TTLL4: variants seen among roughly 807,000 people sequenced by gnomAD.
The protein encoded by TTLL4 is tubulin tyrosine ligase like 4.
A neutral mutation model predicts 122.7 loss-of-function variants in TTLL4; 85 were observed. That is an observed-to-expected ratio of 0.69 (90% CI 0.58 to 0.83). TTLL4 has a LOEUF of 0.83. TTLL4 is among the 40% of genes least tolerant of loss of function. The pLI is 0.00. For missense variants in TTLL4, 1,363 were observed against 1,488.6 expected (o/e 0.92, Z 1.39); for synonymous variants, 553 against 563.0 (o/e 0.98, Z 0.25).
intron 3 of TTLL4, among the ~76,000 whole-genome samples, chr2:218,739,422 T>TA (rs1370534612): frequency 3.3e-5 from 5 of 152,226 alleles, no homozygotes; most frequent in Admixed American, 6.5e-5. Context: ...GCTTTCTTGT[T>TA]ACGATGGTAG....
chr2:218,722,171 C>T (rs1412813560), intron 1 of TTLL4, among the ~76,000 whole-genome samples: 1 of 151,920 alleles, frequency 6.6e-6, no homozygotes, highest in African/African-American at 2.4e-5. Flanking sequence ...AGTTCCAGCT[C>T]CTTGGGAGGG....
Position 218,738,554 on chromosome 2 carries a change from A to G in TTLL4, c.878A>G (p.His293Arg). 6.2e-7 allele frequency: 1 copy of G among 1,614,120 alleles called. No homozygotes were observed. The highest frequency in any genetic ancestry group is 8.5e-7 in the Non-Finnish European group (1 of 1,179,994). Reference protein sequence around the residue: ...AHIALSTASSHDTSTTSVASS... With the variant: ...AHIALSTASSRDTSTTSVASS... ...ATCGCCTTGTCTACCGCTAGCTCCCACGACACATCCACCACCAGTGTTGCC... is the reference window on the plus strand; with the variant it reads ...ATCGCCTTGTCTACCGCTAGCTCCCGCGACACATCCACCACCAGTGTTGCC... Residue 293 changes from histidine to arginine, a missense_variant, in exon 3 of 20, where the codon CAC (histidine) becomes CGC (arginine). His to Arg is a conservative substitution (Grantham distance 29). Transcript: ENST00000392102.
At chr2:218,753,278 CCT>C in intron 18 of TTLL4, 93 bp downstream of exon 18, 2 of 1,325,430 alleles carry the variant, frequency 1.5e-6, no homozygotes, top group South Asian at 1.2e-5. Flanking sequence ...TATGTATAGG[CCT>C]CTCTCACTTC....
chr2:218,754,283 C>A lies in TTLL4; in HGVS notation c.3494C>A (p.Ser1165Tyr). ...SEDTSKEPSL[S>Y]TQTLPVIKCS... is the part of the protein sequence containing the mutation. ...GACACCAGCAAAGAGCCCAGCCTTT[C>A]TACCCAGACGTTACCTGTGATCAAG... The change falls in exon 20 of 20, where the codon TCT (serine) becomes TAT (tyrosine). Residue 1165 changes from serine (S) to tyrosine (Y), a missense_variant. Ser to Tyr is a moderately radical substitution (Grantham distance 144). Around this residue, in one of 3 missense-constraint regions of TTLL4, gnomAD observed 596 missense variants for 655.8 expected, o/e 0.91. Transcript: ENST00000392102. 6.2e-7 allele frequency: 1 copy of A among 1,614,230 alleles called. No homozygotes were observed. The highest frequency in any genetic ancestry group is 2.2e-5 in the East Asian group (1 of 44,884).
chr2:218,746,023 A>C, intron 7 of TTLL4, 132 bp from the exon 8 acceptor site: 1 of 1,083,936 alleles, frequency 9.2e-7, no homozygotes. Flanking sequence ...CCAGGGCCTC[A>C]TGTAGGACAG....
chr2:218,749,104 C>A, intron 13 of TTLL4, 149 bp from the exon 14 acceptor site: 2 of 1,276,090 alleles, frequency 1.6e-6, no homozygotes, highest in Non-Finnish European at 2.2e-6. Flanking sequence ...TCCCCAGGAG[C>A]TGGTCCCAGA....
Position 218,747,614 on chromosome 2 carries a change from A to C in TTLL4, c.2267A>C (p.Tyr756Ser), listed in dbSNP as rs1175478326. 1.9e-6 allele frequency: 3 copies of C among 1,614,050 alleles called. No individual in the cohort carries two copies. Among genetic ancestry groups the C allele is most frequent in the Non-Finnish European group, 2.5e-6 (3 of 1,180,002 alleles). The change falls in exon 11 of 20, where the codon TAC (tyrosine) becomes TCC (serine). Residue 756 changes from tyrosine to serine, a missense_variant. Tyr to Ser is a moderately radical substitution (Grantham distance 144). This residue lies in a region of TTLL4 where 596 missense variants were observed against 655.8 expected (regional missense o/e 0.91). Transcript: ENST00000392102. This position sits in a 1 kb window ranked among gnomAD's most constrained non-coding sequence, Gnocchi z 4.7. ...LLVQRYLHKP[Y>S]LISGSKFDLR... Reference sequence around the variant, plus strand: ...CTATGTAGGTATCTACACAAACCCTACCTCATCAGCGGCAGCAAGTTTGAC... The same window carrying C: ...CTATGTAGGTATCTACACAAACCCTCCCTCATCAGCGGCAGCAAGTTTGAC...
At chr2:218,717,054 T>C (rs1223352478) in intron 1 of TTLL4, among the ~76,000 whole-genome samples, 3 of 152,066 alleles carry the variant, frequency 2.0e-5, no homozygotes, top group South Asian at 2.1e-4. Flanking sequence ...TGATCATGGC[T>C]TACTGCAGTC....
chr2:218,753,473 G>C (rs1295231929), intron 18 of TTLL4, 111 bp from the exon 19 acceptor site: 3 of 1,116,038 alleles, frequency 2.7e-6, no homozygotes, highest in Non-Finnish European at 4.0e-6. Flanking sequence ...GGTAGGGAAG[G>C]GGAGAACCCC....
Position 218,754,334 on chromosome 2 carries a change from C to G in TTLL4, c.3545C>G (p.Ser1182Cys). The G allele has an allele frequency of 6.2e-7, 1 of 1,614,212 alleles. No homozygotes were observed. Among genetic ancestry groups the G allele is most frequent in the African/African-American group, 1.3e-5 (1 of 75,048 alleles). ...IKCSGQTSRL[S>C]ASSTFQSISD... Reference sequence around the variant, plus strand: ...TGCTCTGGGCAGACTTCAAGACTTTCTGCTTCCTCCACTTTCCAGTCAATC... The same window carrying G: ...TGCTCTGGGCAGACTTCAAGACTTTGTGCTTCCTCCACTTTCCAGTCAATC... Residue 1182 changes from serine (S) to cysteine (C), a missense_variant, in exon 20 of 20, where the codon TCT becomes TGT. Physicochemically the swap from Ser to Cys is moderately radical, Grantham distance 112 (BLOSUM62 -1). Around this residue, in one of 3 missense-constraint regions of TTLL4, gnomAD observed 596 missense variants for 655.8 expected, o/e 0.91. Coordinates refer to ENST00000392102, the MANE Select transcript of TTLL4 (RefSeq NM_014640.5).
intron 6 of TTLL4, chr2:218,745,444 C>A: frequency 1.5e-6 from 1 of 665,948 alleles, no homozygotes; most frequent in Non-Finnish European, 2.5e-6. Flanking sequence ...CTTGCCATGT[C>A]ATGCTGAGTT....
intron 12 of TTLL4, 50 bp from the exon 13 acceptor site, chr2:218,748,786 C>A: frequency 6.5e-7 from 1 of 1,536,850 alleles, no homozygotes; most frequent in Non-Finnish European, 9.0e-7. Context: ...TTGTCTTTGT[C>A]ACTCATTCCT....
intron 12 of TTLL4, chr2:218,748,612 G>T: frequency 2.3e-6 from 1 of 437,188 alleles, no homozygotes; most frequent in South Asian, 3.0e-5. Context: ...CTGAGATCGC[G>T]CCACTTCACT....
At chr2:218,718,084 C>A (rs1423685322) in intron 1 of TTLL4, among the ~76,000 whole-genome samples, 1 of 152,190 alleles carries the variant, frequency 6.6e-6, no homozygotes, top group African/African-American at 2.4e-5. Context: ...CCTGTCAGTT[C>A]TATCTTCTAA....
chr2:218,716,869 G>A (rs1261948338), intron 1 of TTLL4, among the ~76,000 whole-genome samples: 3 of 152,198 alleles, frequency 2.0e-5, no homozygotes, highest in Non-Finnish European at 1.5e-5. Context: ...AGTATAGTGG[G>A]TAAGAATCTA....
rs765252716 is a variant in TTLL4, at chr2:218,751,732, C to T, written c.2902C>T (p.Arg968Ter). 1.9e-6 allele frequency: 3 copies of T among 1,613,234 alleles called. No individual in the cohort carries two copies. Among genetic ancestry groups the T allele is most frequent in the Admixed American group, 1.7e-5 (1 of 59,966 alleles). ...SLPTSPGDKC[R>*]MAPEHVTAQK... The stretch of plus-strand genomic sequence containing the variant: ...GCCCACCTCCCCTGGGGACAAATGT[C>T]GAATGGCTCCAGAGCATGTCACTGC... The change falls in exon 16 of 20, where the codon CGA becomes TGA. Residue 968 changes from arginine (R) to a stop codon, truncating the protein, a stop_gained. Coordinates refer to ENST00000392102, the MANE Select transcript of TTLL4 (RefSeq NM_014640.5). LOFTEE classifies it high-confidence loss of function.
At chr2:218,742,201 C>T (rs1942721497) in intron 5 of TTLL4, among the ~76,000 whole-genome samples, 1 of 152,092 alleles carries the variant, frequency 6.6e-6, no homozygotes, top group South Asian at 2.1e-4. Context: ...GAACTCTGGC[C>T]TCAAGTAATC....
rs1268138430 is a variant in TTLL4, at chr2:218,754,477, C to T, written c.*88C>T. ...CCTGCTGTTCAGACCAGTCTGACCC[C>T]CTACCCCTTTCACCCTGTCCCTCCT... On this transcript the variant is annotated 3_prime_UTR_variant, in exon 20 of 20. Coordinates refer to ENST00000392102, the MANE Select transcript of TTLL4 (RefSeq NM_014640.5). 3 of 1,529,244 alleles carry T rather than the reference C, an allele frequency of 2.0e-6. No homozygotes were observed. The highest frequency in any genetic ancestry group is 1.4e-5 in the African/African-American group (1 of 72,420). The allele number at this position is 1,529,244 out of a possible 1,614,324, so 94.7% of individuals were successfully genotyped here. A position where few individuals can be genotyped will look rare whatever the true frequency, so the allele number is the denominator to read the frequency against.
At position 218,737,996 on chromosome 2, in the gene TTLL4, C is replaced by G. The variant is rs200209261; in HGVS notation, c.320C>G (p.Ser107Cys). Reference sequence around the variant, plus strand: ...CACAGCAGTTCCTGTTACCTACACTCTCTCCCGGACTTGTTCAACAGCACC... The same window carrying G: ...CACAGCAGTTCCTGTTACCTACACTGTCTCCCGGACTTGTTCAACAGCACC... ...AGHSSSCYLH[S>C]LPDLFNSTLL... The change falls in exon 3 of 20, where the codon TCT (serine) becomes TGT (cysteine). Residue 107 changes from serine to cysteine, a missense_variant. Coordinates refer to ENST00000392102, the MANE Select transcript of TTLL4 (RefSeq NM_014640.5). 13 of 1,614,082 alleles carry G rather than the reference C, an allele frequency of 8.1e-6. No individual in the cohort carries two copies. The South Asian group carries it at 1.2e-4, about 15-fold the overall frequency.
Sources: gnomAD v4.1 joint callset for allele counts (sites outside exome capture counted in the v4.1 genomes callset) on GRCh38, gnomAD v4.1.1 for gene constraint, gnomAD v4.1.1 regional missense constraint, Gnocchi (gnomAD v3.1) non-coding constraint, MANE v1.5 for transcripts, NCBI Gene and HGNC (gene_info 2026-07-23, HGNC 2026-07-21) for gene names.